Variants in SQOR observed in about 807,000 individuals in gnomAD.
The protein encoded by SQOR is sulfide:quinone oxidoreductase, mitochondrial.
In SQOR, 39 loss-of-function variants were observed where a neutral mutation model predicts 48.6. That is an observed-to-expected ratio of 0.80 (90% confidence interval 0.62 to 1.05). The LOEUF (loss-of-function observed/expected upper bound fraction) is 1.05. SQOR is among the 50% of genes least tolerant of loss of function. The probability of loss-of-function intolerance (pLI) is 0.00; values close to 1 mark genes in which losing one functional copy is unlikely to be tolerated. For missense variants in SQOR, 561 were observed against 559.9 expected (o/e 1.00, Z -0.02); for synonymous variants, 220 against 206.2 (o/e 1.07, Z -0.57).
intron 2 of SQOR, 85 bp downstream of exon 2, chr15:45,659,242 T>C (rs1397246165): frequency 1.7e-6 from 2 of 1,187,996 alleles, no homozygotes; most frequent in Non-Finnish European, 2.3e-6. Context: ...TGGGGTTGGA[T>C]ATGACTATCA....
At chr15:45,666,788 T>TC (rs1287503106) in intron 3 of SQOR, among the ~76,000 whole-genome samples, 1 of 48,600 alleles carries the variant, frequency 2.1e-5, no homozygotes, top group Non-Finnish European at 3.6e-5. Context: ...TCCCCTCCCC[T>TC]TCTCTCCCCT....
intron 3 of SQOR, among the ~76,000 whole-genome samples, chr15:45,664,940 G>T (rs542584594): frequency 6.6e-6 from 1 of 152,100 alleles, no homozygotes; most frequent in South Asian, 2.1e-4. Flanking sequence ...ACTCAAGATT[G>T]TTCTCAATCA....
intron 1 of SQOR, among the ~76,000 whole-genome samples, chr15:45,656,811 T>G (rs1889619346): frequency 6.6e-6 from 1 of 152,130 alleles, no homozygotes; most frequent in South Asian, 2.1e-4. Context: ...TATTTTATTT[T>G]ATTGTTTTTT....
At chr15:45,685,101 T>C (rs978298290) in intron 7 of SQOR, among the ~76,000 whole-genome samples, 1 of 152,214 alleles carries the variant, frequency 6.6e-6, no homozygotes, top group South Asian at 2.1e-4. Context: ...GTTTTTGCCA[T>C]TAAGAGTAAT....
chr15:45,684,356 TTTC>T (rs199501264), intron 7 of SQOR, among the ~76,000 whole-genome samples: 1,974 of 152,340 alleles, frequency 0.013, 24 homozygotes, highest in Non-Finnish European at 0.018. Flanking sequence ...CTGACATTTT[TTTC>T]TTTACTTTCA....
chr15:45,639,016 G>T (rs867830226), intron 1 of SQOR, among the ~76,000 whole-genome samples: 3 of 152,170 alleles, frequency 2.0e-5, no homozygotes, highest in Non-Finnish European at 2.9e-5. Context: ...ATAGTGTTTT[G>T]TTATGGCAGC....
intron 3 of SQOR, among the ~76,000 whole-genome samples, chr15:45,664,240 T>A (rs564721077): frequency 1.3e-5 from 2 of 152,298 alleles, no homozygotes; most frequent in East Asian, 3.9e-4. Context: ...TTCCTGTAAC[T>A]TTTTTTGTAT....
At chr15:45,665,836 G>A (rs896799329) in intron 3 of SQOR, among the ~76,000 whole-genome samples, 3 of 152,082 alleles carry the variant, frequency 2.0e-5, no homozygotes, top group Non-Finnish European at 4.4e-5. Context: ...TGCCCACCTC[G>A]GCCTCCCAAA....
chr15:45,644,382 G>A (rs181355216), intron 1 of SQOR, among the ~76,000 whole-genome samples: 123 of 152,304 alleles, frequency 8.1e-4, no homozygotes, highest in African/African-American at 2.8e-3. Flanking sequence ...CACCGCGCCT[G>A]GCTTTTAAGA....
At chr15:45,640,694 A>G (rs1895090826) in intron 1 of SQOR, among the ~76,000 whole-genome samples, 2 of 152,234 alleles carry the variant, frequency 1.3e-5, no homozygotes, top group African/African-American at 4.8e-5. Flanking sequence ...AACTCCTTGC[A>G]TGTGAGACTC....
rs1156455604 is a variant in SQOR at position 45,673,708 on chromosome 15, G to C, written c.561G>C (p.Glu187Asp). ...GGAAAGCTCTGCAGGACTTCAAAGA[G>C]GGCAATGCCATCTTCACCTTCCCAA... ...KTWKALQDFK[E>D]GNAIFTFPNT... The change falls in exon 5 of 10, where the codon GAG (glutamate) becomes GAC (aspartate). Residue 187 changes from glutamate (E) to aspartate (D), a missense_variant. Glu to Asp is a conservative substitution (Grantham distance 45, BLOSUM62 2). Transcript: ENST00000260324. 1 of 1,614,018 alleles carries C rather than the reference G, an allele frequency of 6.2e-7. No individual in the cohort carries two copies. The highest frequency in any genetic ancestry group is 1.3e-5 in the African/African-American group (1 of 74,936).
intron 1 of SQOR, among the ~76,000 whole-genome samples, chr15:45,657,099 C>T (rs773831781): frequency 8.3e-4 from 69 of 83,530 alleles, no homozygotes; most frequent in Non-Finnish European, 1.4e-3. Flanking sequence ...TGAACCACCA[C>T]GCCTGGTCTA....
At chr15:45,687,140 T>C (rs974564285) in intron 7 of SQOR, among the ~76,000 whole-genome samples, 1 of 152,168 alleles carries the variant, frequency 6.6e-6, no homozygotes, top group Non-Finnish European at 1.5e-5. Context: ...TTTTTTTGTT[T>C]TTCTGAGGTG....
intron 1 of SQOR, among the ~76,000 whole-genome samples, chr15:45,656,500 C>T (rs534057946): frequency 6.6e-6 from 1 of 151,638 alleles, no homozygotes; most frequent in Non-Finnish European, 1.5e-5. Context: ...CCATGTTTTC[C>T]ATGCTAGTCT....
chr15:45,643,605 C>T (rs572683134), intron 1 of SQOR, among the ~76,000 whole-genome samples: 10 of 152,252 alleles, frequency 6.6e-5, no homozygotes, highest in Middle Eastern at 3.4e-3. Context: ...GTAATTTAAT[C>T]GTATATCATT....
intron 1 of SQOR, among the ~76,000 whole-genome samples, chr15:45,651,531 TGAGGGCTGC>T (rs1462377608): frequency 6.6e-6 from 1 of 152,214 alleles, no homozygotes; most frequent in African/African-American, 2.4e-5. Context: ...TGAGAGCGAG[TGAGGGCTGC>T]GAGGGCTGCC....
At chr15:45,655,857 T>A (rs1889596197) in intron 1 of SQOR, among the ~76,000 whole-genome samples, 1 of 152,036 alleles carries the variant, frequency 6.6e-6, no homozygotes, top group South Asian at 2.1e-4. Flanking sequence ...CTAATTTTTT[T>A]TTGTATTTTA....
chr15:45,660,670 A>G (rs1202717323), intron 2 of SQOR, among the ~76,000 whole-genome samples: 1 of 152,234 alleles, frequency 6.6e-6, no homozygotes, highest in Non-Finnish European at 1.5e-5. Flanking sequence ...GTCTAAAAAT[A>G]AAATCTGAGC....
At chr15:45,690,272 G>C (rs575046623) in intron 9 of SQOR, among the ~76,000 whole-genome samples, 1 of 152,046 alleles carries the variant, frequency 6.6e-6, no homozygotes, top group East Asian at 1.9e-4. Flanking sequence ...TGCCATGTTG[G>C]CCAGGCTGGT....
Sources: gnomAD v4.1 joint callset for allele counts (sites outside exome capture counted in the v4.1 genomes callset) on GRCh38, gnomAD v4.1.1 for gene constraint, MANE v1.5 for transcripts, NCBI Gene and HGNC (gene_info 2026-07-23, HGNC 2026-07-21) for gene names.